Variants in CERT1 observed in about 807,000 individuals in gnomAD.
The protein encoded by CERT1 is ceramide transporter 1, also known as ceramide transfer protein.
Under a neutral mutation model 87.9 loss-of-function variants are expected in CERT1, and 31 were observed. That is an observed-to-expected ratio of 0.35 (90% CI 0.27 to 0.48). The LOEUF is 0.48. CERT1 is among the 20% of genes least tolerant of loss of function. The pLI is 0.99. For missense variants in CERT1, 487 were observed against 758.0 expected, an observed-to-expected ratio of 0.64 and a Z score of 4.20; for synonymous variants, 289 against 250.9, an observed-to-expected ratio of 1.15 and a Z score of -1.44.
At chr5:75,407,100 T>C (rs1762737702) in intron 8 of CERT1, among the ~76,000 whole-genome samples, 1 of 152,180 alleles carries the variant, frequency 6.6e-6, no homozygotes, top group Non-Finnish European at 1.5e-5. Flanking sequence ...AAGAATTGTA[T>C]ATTTAATTTA....
At chr5:75,390,456 TTTTAA>T (rs1761986236) in intron 11 of CERT1, among the ~76,000 whole-genome samples, 5 of 152,036 alleles carry the variant, frequency 3.3e-5, no homozygotes, top group Admixed American at 3.3e-4. Flanking sequence ...TTTTAAAATT[TTTTAA>T]TTTAAATTTA....
chr5:75,396,260 GGAGT>G (rs1167170812), intron 11 of CERT1, among the ~76,000 whole-genome samples: 1 of 152,060 alleles, frequency 6.6e-6, no homozygotes, highest in Non-Finnish European at 1.5e-5. Flanking sequence ...AAAATTTGTT[GGAGT>G]AAGTAAGAAT....
chr5:75,500,784 CTATT>C (rs1371920638), intron 2 of CERT1, among the ~76,000 whole-genome samples: 4 of 152,106 alleles, frequency 2.6e-5, no homozygotes, highest in African/African-American at 7.2e-5. Context: ...CTTATAATGA[CTATT>C]TATGGCACTA....
chr5:75,463,279 T>C (rs1318372856), intron 2 of CERT1, among the ~76,000 whole-genome samples: 1 of 152,172 alleles, frequency 6.6e-6, no homozygotes, highest in East Asian at 1.9e-4. Context: ...TACCAAACCC[T>C]CTACCCCACA....
At chr5:75,438,107 G>T (rs923665247) in intron 3 of CERT1, among the ~76,000 whole-genome samples, 8 of 151,962 alleles carry the variant, frequency 5.3e-5, no homozygotes, top group Admixed American at 3.9e-4. Flanking sequence ...TTAAAGAAAA[G>T]ACTCATTATA....
At chr5:75,438,477 T>C (rs928745332) in intron 3 of CERT1, among the ~76,000 whole-genome samples, 12 of 152,144 alleles carry the variant, frequency 7.9e-5, no homozygotes, top group African/African-American at 2.9e-4. Context: ...TTCTTAAAAT[T>C]TGTAACATGC....
At chr5:75,417,576 C>T (rs1442392190) in intron 6 of CERT1, among the ~76,000 whole-genome samples, 4 of 151,956 alleles carry the variant, frequency 2.6e-5, no homozygotes, top group African/African-American at 9.7e-5. Flanking sequence ...CTCAAAGATG[C>T]AAACAAGAAA....
At chr5:75,481,968 T>G (rs1211092880) in intron 2 of CERT1, among the ~76,000 whole-genome samples, 1 of 152,206 alleles carries the variant, frequency 6.6e-6, no homozygotes, top group African/African-American at 2.4e-5. Flanking sequence ...CAAAATATAT[T>G]TTTACAATGT....
At chr5:75,439,166 G>A (rs181922735) in intron 3 of CERT1, among the ~76,000 whole-genome samples, 5 of 149,938 alleles carry the variant, frequency 3.3e-5, no homozygotes, top group Admixed American at 6.6e-5. Context: ...CAAAGTTATC[G>A]ATTAAATAAA....
chr5:75,503,755 C>T (rs1413087446), intron 2 of CERT1, among the ~76,000 whole-genome samples: 1 of 29,040 alleles, frequency 3.4e-5, no homozygotes, highest in Non-Finnish European at 7.3e-5. Flanking sequence ...TATGCATGTA[C>T]ATATAGCTAT....
chr5:75,374,770 TG>T (rs1429531039), downstream of CERT1: 8 of 548,912 alleles, frequency 1.5e-5, no homozygotes, highest in Non-Finnish European at 2.8e-5. Flanking sequence ...AATTTAGACC[TG>T]CGGGTGCTGC....
intron 2 of CERT1, among the ~76,000 whole-genome samples, chr5:75,499,093 G>A (rs1767219352): frequency 1.3e-5 from 2 of 152,214 alleles, no homozygotes; most frequent in South Asian, 2.1e-4. Context: ...TGGAATAGGT[G>A]TATTTACCCA....
intron 3 of CERT1, among the ~76,000 whole-genome samples, chr5:75,457,971 G>GGTA (rs1491371667): frequency 2.1e-5 from 3 of 141,812 alleles, no homozygotes; most frequent in African/African-American, 9.3e-5. Context: ...GTGTGTGTGT[G>GGTA]TGTGTGTGTG....
chr5:75,419,378 A>G lies in CERT1; in HGVS notation c.642T>C (p.Gly214=), dbSNP rs1358783795. 1 of 1,613,226 alleles carries G rather than the reference A, an allele frequency of 6.2e-7. No homozygotes were observed. The highest frequency in any genetic ancestry group is 2.2e-5 in the East Asian group (1 of 44,808). The change falls in exon 6 of 17, where the codon GGT becomes GGC. Residue 214 remains glycine, a synonymous_variant. Coordinates refer to ENST00000643780, the MANE Select transcript of CERT1 (RefSeq NM_001379029.1). ...EDDFPTTRSD[G]DFLHSTNGNK... is the part of the protein sequence containing the mutation. ...TGCCGTTGGTACTATGCAAGAAGTC[A>G]CCATCAGAACGCGTTGTAGGAAAGT...
chr5:75,486,985 T>C (rs1580841099), intron 2 of CERT1, among the ~76,000 whole-genome samples: 1 of 152,078 alleles, frequency 6.6e-6, no homozygotes, highest in East Asian at 1.9e-4. Context: ...GAAACAATCC[T>C]AAAATGTATA....
chr5:75,382,099 T>C lies in CERT1; in HGVS notation c.1489-22A>G, dbSNP rs554480700. ...CCCTCTGTGGAGAAGTAAAAATCTT[T>C]TGAAAAACAGATCTAACATGGAACT... On this transcript the variant is annotated intron_variant, in intron 14 of 16. Coordinates refer to ENST00000643780, the MANE Select transcript of CERT1 (RefSeq NM_001379029.1). 3.4e-5 allele frequency: 54 copies of C among 1,604,078 alleles called. No homozygotes were observed. In the South Asian group the frequency reaches 3.7e-4, roughly 11 times the overall value.
chr5:75,432,265 C>T (rs1763901189), intron 3 of CERT1, among the ~76,000 whole-genome samples: 1 of 152,068 alleles, frequency 6.6e-6, no homozygotes, highest in East Asian at 1.9e-4. Flanking sequence ...CCATGTTAGC[C>T]AGGATGGTCT....
chr5:75,511,296 G>T lies in CERT1; in HGVS notation c.-89C>A, dbSNP rs759469784. 2.6e-6 allele frequency: 4 copies of T among 1,563,610 alleles called. No homozygotes were observed. Among genetic ancestry groups the T allele is most frequent in the Non-Finnish European group, 3.5e-6 (4 of 1,154,346 alleles). On this transcript the variant is annotated 5_prime_UTR_variant, in exon 1 of 17. Coordinates refer to ENST00000643780, the MANE Select transcript of CERT1 (RefSeq NM_001379029.1). ...CAGTCCTCGGGGTGAAGGGTCGGGG[G>T]ATGGCGAAGCGAAGAGTGCCCGCTC... is the stretch of plus-strand genomic sequence containing the variant.
chr5:75,420,637 T>TA (rs1763339198), intron 5 of CERT1, among the ~76,000 whole-genome samples: 1 of 152,168 alleles, frequency 6.6e-6, no homozygotes, highest in South Asian at 2.1e-4. Flanking sequence ...CCCTTTTCTC[T>TA]AATTCCAGAC....
Sources: allele counts gnomAD v4.1 joint callset (sites outside exome capture counted in the v4.1 genomes callset), GRCh38; gene constraint gnomAD v4.1.1; transcripts MANE v1.5; gene names NCBI Gene and HGNC (gene_info 2026-07-23, HGNC 2026-07-21).